Variants in RBPJ observed in about 807,000 individuals in gnomAD.
The protein encoded by RBPJ is recombination signal binding protein for immunoglobulin kappa J region, also known as recombining binding protein suppressor of hairless.
Under a neutral mutation model 67.8 loss-of-function variants are expected in RBPJ, and 9 were observed. The observed-to-expected ratio is 0.13, with a 90% CI of 0.08 to 0.23. The LOEUF is 0.23. Ranked by LOEUF, RBPJ falls within the 10% of genes least tolerant of loss-of-function variation. The probability of loss-of-function intolerance (pLI) is 1.00; values close to 1 mark genes in which losing one functional copy is unlikely to be tolerated. For synonymous variants in RBPJ, 198 were observed against 203.3 expected (o/e 0.97, Z 0.22); for missense variants, 305 against 595.6 (o/e 0.51, Z 5.08).
chr4:26,162,039 A>G (rs187941334), upstream of RBPJ, among the ~76,000 whole-genome samples: 44 of 152,350 alleles, frequency 2.9e-4, no homozygotes, highest in African/African-American at 1.1e-3. Context: ...CAGTGAGTGA[A>G]CAAAAGATAA....
intron 2 of RBPJ, among the ~76,000 whole-genome samples, chr4:26,388,683 G>A (rs577992712): frequency 6.6e-6 from 1 of 151,968 alleles, no homozygotes; most frequent in African/African-American, 2.4e-5. Flanking sequence ...AGTACACTTG[G>A]GATTAATTTC....
intron 1 of RBPJ, among the ~76,000 whole-genome samples, chr4:26,238,733 C>T (rs777800640): frequency 6.6e-6 from 1 of 151,934 alleles, no homozygotes; most frequent in African/African-American, 2.4e-5. Context: ...GGTCATAATT[C>T]CGGAGAGCTT....
In RBPJ at chr4:26,282,760, A is replaced by T. The variant is rs370692242; in HGVS notation, c.-166-79686A>T. On this transcript the variant is annotated intron_variant, in intron 1 of 4. Coordinates refer to the RBPJ transcript ENST00000512351. Reference sequence around the variant, plus strand: ...TGTCTGTTACTCCTGACCTCAGGTGATCCACCCACCTTGGCCTCCCAAAGT... The same window carrying T: ...TGTCTGTTACTCCTGACCTCAGGTGTTCCACCCACCTTGGCCTCCCAAAGT... Among the ~76,000 whole-genome samples the T allele has an allele frequency of 2.0e-4, 31 of 152,062 alleles. No individual in the cohort carries two copies. In the South Asian group the frequency reaches 5.6e-3, roughly 27 times the overall value.
chr4:26,377,275 C>T (rs1729847942), intron 1 of RBPJ, among the ~76,000 whole-genome samples: 1 of 152,194 alleles, frequency 6.6e-6, no homozygotes, highest in African/African-American at 2.4e-5. Context: ...AAATTTCTTG[C>T]TCCAGGTCAC....
At chr4:26,254,575 T>G (rs1264863149) in intron 1 of RBPJ, among the ~76,000 whole-genome samples, 1 of 148,954 alleles carries the variant, frequency 6.7e-6, no homozygotes, top group Non-Finnish European at 1.5e-5. Flanking sequence ...GATTTTATCT[T>G]TGCCACATAA....
At chr4:26,364,867 T>C (rs1728465890) in intron 1 of RBPJ, among the ~76,000 whole-genome samples, 1 of 151,782 alleles carries the variant, frequency 6.6e-6, no homozygotes, top group East Asian at 1.9e-4. Flanking sequence ...TCTGCCCATG[T>C]CGGCCTCCCG....
intron 1 of RBPJ, among the ~76,000 whole-genome samples, chr4:26,171,747 G>C (rs1577433026): frequency 6.6e-6 from 1 of 152,164 alleles, no homozygotes; most frequent in African/African-American, 2.4e-5. Flanking sequence ...AGCTCAGAGG[G>C]AGTAGAGATA....
chr4:26,382,512 G>C (rs1337688291), intron 1 of RBPJ, among the ~76,000 whole-genome samples: 1 of 152,110 alleles, frequency 6.6e-6, no homozygotes, highest in African/African-American at 2.4e-5. Context: ...GTTTGATTGT[G>C]ACCTCGGAAT....
intron 1 of RBPJ, among the ~76,000 whole-genome samples, chr4:26,209,098 A>AAAATATATAT (rs1553848907): frequency 4.8e-5 from 7 of 146,998 alleles, no homozygotes; most frequent in African/African-American, 1.7e-4. Flanking sequence ...GAAGAAAAAA[A>AAAATATATAT]ATATATATAT....
intron 1 of RBPJ, among the ~76,000 whole-genome samples, chr4:26,278,721 C>T (rs544529701): frequency 1.3e-5 from 2 of 152,260 alleles, no homozygotes; most frequent in Admixed American, 6.5e-5. Context: ...TCTCTTTTGC[C>T]CCTTTACAAG....
At chr4:26,357,803 T>C (rs1004459588) in intron 1 of RBPJ, among the ~76,000 whole-genome samples, 8 of 152,170 alleles carry the variant, frequency 5.3e-5, no homozygotes, top group African/African-American at 1.9e-4. Flanking sequence ...AGGCACTTCA[T>C]GTAAGTGGAA....
rs72204195 is a variant in RBPJ at position 26,420,169 on chromosome 4, TA to T, written c.322-381del. 5.2e-3 allele frequency among the ~76,000 whole-genome samples: 551 copies of T among 105,788 alleles called. 3 individuals carry two copies. The highest frequency in any genetic ancestry group is 0.014 in the African/African-American group (461 of 33,172). 69.4% of individuals were successfully genotyped at this position (105,788 alleles called of 152,430 possible). ...TCTTGAATTCTGATAGCTTTATTATTATTTTTTTTTTGGAGAAAGTCATTGA... is the reference window on the plus strand; with the variant it reads ...TCTTGAATTCTGATAGCTTTATTATTTTTTTTTTTTGGAGAAAGTCATTGA... On this transcript the variant is annotated intron_variant, in intron 4 of 10. Transcript: ENST00000355476.
chr4:26,244,551 T>C (rs1719861642), intron 1 of RBPJ, among the ~76,000 whole-genome samples: 1 of 150,952 alleles, frequency 6.6e-6, no homozygotes, highest in Non-Finnish European at 1.5e-5. Context: ...ATGTAAATGG[T>C]TTCTTATTGT....
At chr4:26,223,327 A>G (rs185862377) in intron 1 of RBPJ, among the ~76,000 whole-genome samples, 1 of 152,292 alleles carries the variant, frequency 6.6e-6, no homozygotes, top group East Asian at 1.9e-4. Flanking sequence ...TCACAGACAC[A>G]TGAACAGATA....
intron 2 of RBPJ, 131 bp downstream of exon 2, chr4:26,386,522 T>A (rs1014084073): frequency 1.7e-6 from 1 of 587,382 alleles, no homozygotes; most frequent in South Asian, 3.0e-5. Flanking sequence ...AAACTTATTC[T>A]CAAACTTCCT....
intron 1 of RBPJ, among the ~76,000 whole-genome samples, chr4:26,384,850 G>T (rs1458034455): frequency 3.6e-5 from 1 of 27,900 alleles, no homozygotes; most frequent in African/African-American, 1.6e-4. Context: ...CTCCCCTCCC[G>T]CCTCTTGCCT....
chr4:26,324,731 G>T (rs1723444053), intron 1 of RBPJ, among the ~76,000 whole-genome samples: 1 of 152,056 alleles, frequency 6.6e-6, no homozygotes, highest in Non-Finnish European at 1.5e-5. Flanking sequence ...GTTTCGCCAT[G>T]TTGGCCAGGC....
rs576696206 is a variant in RBPJ, at chr4:26,351,032, T to A, written c.20+29984T>A. 4.6e-5 allele frequency among the ~76,000 whole-genome samples: 7 copies of A among 152,208 alleles called. No homozygotes were observed. In the East Asian group the frequency reaches 1.4e-3, roughly 29 times the overall value. ...AGTTGGATATAAATAACTCACAAGC[T>A]TAGCATTCCAATAATGGAACACTAT... is the stretch of plus-strand genomic sequence containing the variant. On this transcript the variant is annotated intron_variant, in intron 1 of 10. Transcript: ENST00000355476.
At chr4:26,426,715 G>A (rs1735709958) in intron 7 of RBPJ, among the ~76,000 whole-genome samples, 1 of 152,146 alleles carries the variant, frequency 6.6e-6, no homozygotes, top group African/African-American at 2.4e-5. Flanking sequence ...TATTTGAAGA[G>A]AGCCCAGAAT....
Sources: allele counts gnomAD v4.1 joint callset (sites outside exome capture counted in the v4.1 genomes callset), GRCh38; gene constraint gnomAD v4.1.1; transcripts MANE v1.5; gene names NCBI Gene and HGNC (gene_info 2026-07-23, HGNC 2026-07-21).